CBR4: variants seen among roughly 807,000 people sequenced by gnomAD.
CBR4 encodes the protein 3-oxoacyl-[acyl-carrier-protein] reductase.
A neutral mutation model predicts 21.0 loss-of-function variants in CBR4; 22 were observed. The ratio of observed to expected loss-of-function variants is 1.05; its 90% CI spans 0.75 to 1.50. The LOEUF is 1.50. Among genes scored for constraint, CBR4 ranks in the 40% most tolerant of loss-of-function variants. CBR4 has a pLI of 0.00. For missense variants in CBR4, 302 were observed against 286.3 expected, an observed-to-expected ratio of 1.05 and a Z score of -0.40; for synonymous variants, 100 against 104.4, an observed-to-expected ratio of 0.96 and a Z score of 0.26.
intron 2 of CBR4, among the ~76,000 whole-genome samples, chr4:168,962,914 TAAAGAC>T (rs1434513892): frequency 6.6e-6 from 1 of 152,096 alleles, no homozygotes; most frequent in Non-Finnish European, 1.5e-5. Flanking sequence ...TTGGAATTCT[TAAAGAC>T]AGAGAAGAGA....
chr4:168,904,131 A>T, intron 2 of CBR4: 1 of 542,132 alleles, frequency 1.8e-6, no homozygotes, highest in Non-Finnish European at 3.3e-6. Flanking sequence ...CACAAATATT[A>T]TTAAGGGTCT....
Position 168,898,771 on chromosome 4 carries a change from C to A in CBR4, n.170-4006G>T, listed in dbSNP as rs944552206. On this transcript the variant is annotated intron_variant and non_coding_transcript_variant, in intron 2 of 3. Transcript: ENST00000509108. The stretch of plus-strand genomic sequence containing the variant: ...CATTCTCTGAGGAAAGGTTTAGCTT[C>A]CAAAACATAGCATGCCAGTAGGAGA... 4 of 1,097,714 alleles carry A rather than the reference C, an allele frequency of 3.6e-6. No individual in the cohort carries two copies. In the African/African-American group the frequency reaches 4.6e-5, roughly 13 times the overall value. 68.0% of individuals were successfully genotyped at this position (1,097,714 alleles called of 1,614,324 possible). A position where few individuals can be genotyped will look rare whatever the true frequency, so the allele number is the denominator to read the frequency against.
intron 2 of CBR4, among the ~76,000 whole-genome samples, chr4:168,935,170 G>T (rs72704241): frequency 0.089 from 13,521 of 152,208 alleles, 715 homozygotes; most frequent in Middle Eastern, 0.2. Context: ...GGAAGTGCAA[G>T]GGGTGGAGGA....
chr4:168,940,133 C>G (rs919126194), intron 2 of CBR4, among the ~76,000 whole-genome samples: 10 of 152,284 alleles, frequency 6.6e-5, no homozygotes, highest in Non-Finnish European at 1.3e-4. Flanking sequence ...AGAAATAACA[C>G]CACATATCTA....
intron 2 of CBR4, among the ~76,000 whole-genome samples, chr4:168,905,790 C>CTTTTTTTTTTTTTTTTTTTTT (rs59427697): frequency 7.1e-5 from 8 of 113,096 alleles, no homozygotes; most frequent in Non-Finnish European, 8.7e-5. Context: ...GCTTTTTTTT[C>CTTTTTTTTTTTTTTTTTTTTT]TTTTTTTTTT....
At chr4:168,909,697 G>T (rs2151370334) in intron 2 of CBR4, among the ~76,000 whole-genome samples, 1 of 152,230 alleles carries the variant, frequency 6.6e-6, no homozygotes, top group South Asian at 2.1e-4. Context: ...GTGCATCAGA[G>T]CCTACTAACT....
intron 4 of CBR4, among the ~76,000 whole-genome samples, chr4:169,000,909 T>C (rs1730376554): frequency 6.6e-6 from 1 of 152,094 alleles, no homozygotes; most frequent in African/African-American, 2.4e-5. Flanking sequence ...AGACAGACCA[T>C]AGTAGTAAAA....
chr4:168,912,756 A>C (rs1024082779), intron 2 of CBR4, among the ~76,000 whole-genome samples: 2 of 152,192 alleles, frequency 1.3e-5, no homozygotes, highest in Non-Finnish European at 2.9e-5. Flanking sequence ...TTCCAGCTAT[A>C]TGAAAATACA....
chr4:168,942,785 A>AT (rs1273603386), intron 2 of CBR4, among the ~76,000 whole-genome samples: 1 of 152,122 alleles, frequency 6.6e-6, no homozygotes, highest in East Asian at 1.9e-4. Context: ...CAGCAAAAAT[A>AT]TTTTTTATTA....
rs1294086996 is a variant in CBR4 at position 168,922,100 on chromosome 4, TATACACACACACAC to T, written n.170-27349_170-27336del. Among the ~76,000 whole-genome samples, 559 of 96,638 alleles carry T rather than the reference TATACACACACACAC, an allele frequency of 5.8e-3. 3 individuals are homozygous for T. Among genetic ancestry groups the T allele is most frequent in the East Asian group, 0.021 (57 of 2,732 alleles). The allele number at this position is 96,638 out of a possible 152,430, so 63.4% of individuals were successfully genotyped here. A position where few individuals can be genotyped will look rare whatever the true frequency, so the allele number is the denominator to read the frequency against. On this transcript the variant is annotated intron_variant and non_coding_transcript_variant, in intron 2 of 3. Coordinates refer to the CBR4 transcript ENST00000509108. ...AGTTTTATATTTATATATATATATATATACACACACACACACACACACACACACACACACACACA... is the reference window on the plus strand; with the variant it reads ...AGTTTTATATTTATATATATATATATACACACACACACACACACACACACA...
At position 168,913,482 on chromosome 4, in the gene CBR4, T is replaced by C. The variant is rs74377254; in HGVS notation, n.170-18717A>G. Among the ~76,000 whole-genome samples the C allele has an allele frequency of 3.9e-3, 597 of 152,202 alleles. 2 individuals are homozygous for C. Among genetic ancestry groups the C allele is most frequent in the African/African-American group, 0.013 (539 of 41,528 alleles). On this transcript the variant is annotated intron_variant and non_coding_transcript_variant, in intron 2 of 3. Coordinates refer to the CBR4 transcript ENST00000509108. ...TATATTACTATAATTAGTATATTAC[T>C]AAAAAGAGAAAACTGAAATCATCTA...
At chr4:168,960,211 A>G (rs1454794548) in intron 2 of CBR4, among the ~76,000 whole-genome samples, 1 of 152,202 alleles carries the variant, frequency 6.6e-6, no homozygotes, top group African/African-American at 2.4e-5. Context: ...TAATTTCTAC[A>G]TGGAATTATT....
At chr4:168,930,264 A>T (rs1762935533) in intron 2 of CBR4, among the ~76,000 whole-genome samples, 1 of 152,190 alleles carries the variant, frequency 6.6e-6, no homozygotes, top group Admixed American at 6.5e-5. Flanking sequence ...GGGATCCAGA[A>T]GATTTACCAG....
chr4:168,992,098 C>T (rs1240052541), intron 4 of CBR4, among the ~76,000 whole-genome samples: 4 of 152,108 alleles, frequency 2.6e-5, no homozygotes, highest in East Asian at 1.9e-4. Flanking sequence ...TAAATATCTA[C>T]GCATTTTCTT....
At chr4:168,903,727 C>G in intron 2 of CBR4, 1 of 1,590,704 alleles carries the variant, frequency 6.3e-7, no homozygotes, top group Non-Finnish European at 8.6e-7. Flanking sequence ...ACACAAACTC[C>G]TAATCTTTAA....
intron 1 of CBR4, chr4:169,008,998 C>A (rs1208847696): frequency 4.4e-6 from 2 of 453,952 alleles, no homozygotes; most frequent in Admixed American, 4.7e-5. Flanking sequence ...GCGAGAAGAT[C>A]TCTAGAGCCA....
chr4:168,944,534 A>T (rs1037371674), intron 2 of CBR4, among the ~76,000 whole-genome samples: 1 of 152,092 alleles, frequency 6.6e-6, no homozygotes, highest in African/African-American at 2.4e-5. Flanking sequence ...AAAAAGTTTT[A>T]TGAGTTTACT....
downstream of CBR4, among the ~76,000 whole-genome samples, chr4:168,986,119 AT>A (rs752352244): frequency 1.1e-4 from 16 of 152,206 alleles, no homozygotes; most frequent in Non-Finnish European, 2.4e-4. Flanking sequence ...AATAAGAACA[AT>A]TAAAAATAAT....
intron 2 of CBR4, among the ~76,000 whole-genome samples, chr4:168,929,963 CATT>C (rs1241666428): frequency 6.6e-6 from 1 of 152,140 alleles, no homozygotes; most frequent in Non-Finnish European, 1.5e-5. Flanking sequence ...ATGGGAAAAA[CATT>C]ACCCCCTAGC....
Sources: allele counts gnomAD v4.1 joint callset (sites outside exome capture counted in the v4.1 genomes callset), GRCh38; gene constraint gnomAD v4.1.1; transcripts MANE v1.5; gene names NCBI Gene and HGNC (gene_info 2026-07-23, HGNC 2026-07-21).